Variants in ANKRD12 observed in about 807,000 individuals in gnomAD.
ANKRD12 encodes ankyrin repeat domain-containing protein 12.
Under a neutral mutation model 183.4 loss-of-function variants are expected in ANKRD12, and 85 were observed. The ratio of observed to expected loss-of-function variants is 0.46; its 90% CI spans 0.39 to 0.56. The LOEUF (loss-of-function observed/expected upper bound fraction) is 0.56. Ranked by LOEUF, ANKRD12 falls within the 20% of genes least tolerant of loss-of-function variation. The pLI is 0.00. For missense variants in ANKRD12, 2,405 were observed against 2,357.1 expected, an observed-to-expected ratio of 1.02 and a Z score of -0.42; for synonymous variants, 914 against 800.2, an observed-to-expected ratio of 1.14 and a Z score of -2.40.
Position 9,195,579 on chromosome 18 carries a change from A to G in ANKRD12, c.116A>G (p.Lys39Arg), listed in dbSNP as rs781696862. 3.1e-6 allele frequency: 5 copies of G among 1,609,964 alleles called. No individual in the cohort carries two copies. The East Asian group carries it at 1.1e-4, about 36-fold the overall frequency. The change falls in exon 3 of 13, where the codon AAA becomes AGA. Residue 39 changes from lysine (K) to arginine (R), a missense_variant. Lys to Arg is a conservative substitution (Grantham distance 26, BLOSUM62 2). Coordinates refer to ENST00000262126, the MANE Select transcript of ANKRD12 (RefSeq NM_015208.5). ...AAAGACAAGATTGCATCCTACAGCAAAACTCCAAAAATTGAACGAAGTGAT... is the reference window on the plus strand; with the variant it reads ...AAAGACAAGATTGCATCCTACAGCAGAACTCCAAAAATTGAACGAAGTGAT... ...KSKDKIASYS[K>R]TPKIERSDVS...
At position 9,258,250 on chromosome 18, in the gene ANKRD12, A is replaced by C; in HGVS notation, c.4983A>C (p.Lys1661Asn). ...GTGAAATGAATGCAGGGATGCCAAA[A>C]GGAAACCTAAATGAACAAGATCCAA... is the stretch of plus-strand genomic sequence containing the variant. ...DLCEMNAGMP[K>N]GNLNEQDPKH... is the part of the protein sequence containing the mutation. Residue 1661 changes from lysine (K) to asparagine (N), a missense_variant, in exon 9 of 13, where the codon AAA becomes AAC. Physicochemically the swap from Lys to Asn is moderately conservative, Grantham distance 94. Coordinates refer to ENST00000262126, the MANE Select transcript of ANKRD12 (RefSeq NM_015208.5). The C allele has an allele frequency of 6.2e-7, 1 of 1,613,830 alleles. No individual in the cohort carries two copies. Among genetic ancestry groups the C allele is most frequent in the Middle Eastern group, 1.6e-4 (1 of 6,062 alleles).
intron 9 of ANKRD12, among the ~76,000 whole-genome samples, chr18:9,260,932 T>C (rs896784852): frequency 1.3e-5 from 2 of 152,160 alleles, no homozygotes; most frequent in Non-Finnish European, 2.9e-5. Context: ...GAGCTGAACT[T>C]ACCCAATGAC....
chr18:9,165,057 C>T (rs762899674), intron 1 of ANKRD12, among the ~76,000 whole-genome samples: 1 of 152,112 alleles, frequency 6.6e-6, no homozygotes, highest in Non-Finnish European at 1.5e-5. Flanking sequence ...TCTTTAAGAA[C>T]TTGCTTTATG....
chr18:9,148,263 A>G (rs764208757), intron 1 of ANKRD12, among the ~76,000 whole-genome samples: 1 of 152,202 alleles, frequency 6.6e-6, no homozygotes, highest in African/African-American at 2.4e-5. Flanking sequence ...TCTCAATTGC[A>G]GATGAATATT....
At chr18:9,243,058 C>T (rs2037752861) in intron 8 of ANKRD12, among the ~76,000 whole-genome samples, 1 of 152,114 alleles carries the variant, frequency 6.6e-6, no homozygotes, top group Non-Finnish European at 1.5e-5. Context: ...TCTAAACTAC[C>T]TTGCTCAATC....
Position 9,238,556 on chromosome 18 carries a change from ACTC to A in ANKRD12, c.944-15651_944-15649del, listed in dbSNP as rs1354904180. 4.6e-5 allele frequency among the ~76,000 whole-genome samples: 7 copies of A among 151,660 alleles called. No homozygotes were observed. In the East Asian group the frequency reaches 5.8e-4, roughly 13 times the overall value. On this transcript the variant is annotated intron_variant, in intron 8 of 12. Coordinates refer to ENST00000262126, the MANE Select transcript of ANKRD12 (RefSeq NM_015208.5). ...AGTCATACACTCGAGAGTCATCTAAACTCCTCTTCTTCCTTTTCCTTCTTTCAA... is the reference window on the plus strand; with the variant it reads ...AGTCATACACTCGAGAGTCATCTAAACTCTTCTTCCTTTTCCTTCTTTCAA...
chr18:9,257,446 C>A lies in ANKRD12; in HGVS notation c.4179C>A (p.Ala1393=). The change falls in exon 9 of 13, where the codon GCC becomes GCA. Residue 1393 remains alanine (A), a synonymous_variant. Coordinates refer to ENST00000262126, the MANE Select transcript of ANKRD12 (RefSeq NM_015208.5). ...SADRNLIKNT[A]PVNTVMDSPV... ...ATAGAAATCTCATCAAGAATACTGC[C>A]CCAGTGAACACTGTAATGGACAGTC... 1 of 1,614,052 alleles carries A rather than the reference C, an allele frequency of 6.2e-7. No individual in the cohort carries two copies. Among genetic ancestry groups the A allele is most frequent in the Non-Finnish European group, 8.5e-7 (1 of 1,179,988 alleles).
intron 1 of ANKRD12, among the ~76,000 whole-genome samples, chr18:9,161,325 C>T (rs2031381498): frequency 6.6e-6 from 1 of 151,706 alleles, no homozygotes; most frequent in Admixed American, 6.6e-5. Flanking sequence ...ACTTTGATCC[C>T]TTTTTGTCCT....
intron 9 of ANKRD12, chr18:9,260,014 A>G (rs908237485): frequency 2.6e-5 from 4 of 152,220 alleles, no homozygotes; most frequent in Non-Finnish European, 5.9e-5. Flanking sequence ...TAAGAACTCC[A>G]GACTTTGTAC....
At chr18:9,174,549 G>A (rs2033072093) in intron 1 of ANKRD12, among the ~76,000 whole-genome samples, 1 of 152,232 alleles carries the variant, frequency 6.6e-6, no homozygotes, top group Non-Finnish European at 1.5e-5. Context: ...TAGGAGAAGT[G>A]TGGTTTCCTG....
chr18:9,197,331 A>G (rs1332127268), intron 3 of ANKRD12, among the ~76,000 whole-genome samples: 4 of 152,188 alleles, frequency 2.6e-5, no homozygotes, highest in Admixed American at 2.6e-4. Context: ...AGCTCTCTAT[A>G]AGACTGTTTC....
intron 1 of ANKRD12, among the ~76,000 whole-genome samples, chr18:9,176,529 A>G (rs912661653): frequency 6.6e-6 from 1 of 152,030 alleles, no homozygotes; most frequent in Non-Finnish European, 1.5e-5. Flanking sequence ...GAGCTCAAGC[A>G]GTCTGTCTGC....
At chr18:9,262,499 G>T (rs1029364733) in intron 9 of ANKRD12, among the ~76,000 whole-genome samples, 2 of 152,102 alleles carry the variant, frequency 1.3e-5, no homozygotes, top group African/African-American at 2.4e-5. Context: ...TCCCTGTGTT[G>T]CCCAGGCTGG....
chr18:9,149,721 T>G (rs1173610555), intron 1 of ANKRD12, among the ~76,000 whole-genome samples: 1 of 152,044 alleles, frequency 6.6e-6, no homozygotes, highest in Non-Finnish European at 1.5e-5. Context: ...TTTGTGGAAT[T>G]TTGAAAGTAA....
intron 3 of ANKRD12, among the ~76,000 whole-genome samples, chr18:9,196,223 C>CAT (rs199953345): frequency 2.7e-3 from 142 of 52,240 alleles, no homozygotes; most frequent in Non-Finnish European, 3.5e-3. Context: ...CACACACACA[C>CAT]TGAGGCTAAC....
chr18:9,145,201 C>T (rs2078452772), intron 1 of ANKRD12, among the ~76,000 whole-genome samples: 1 of 152,210 alleles, frequency 6.6e-6, no homozygotes, highest in South Asian at 2.1e-4. Context: ...TAGCTCACTA[C>T]AGCCTCAAAC....
chr18:9,266,319 T>A (rs931782078), intron 10 of ANKRD12, among the ~76,000 whole-genome samples: 7 of 152,262 alleles, frequency 4.6e-5, no homozygotes, highest in East Asian at 1.9e-4. Flanking sequence ...AATTGTCAGA[T>A]TCACCAAAGT....
intron 8 of ANKRD12, among the ~76,000 whole-genome samples, chr18:9,252,334 CTGGT>C (rs2038345230): frequency 1.3e-5 from 2 of 152,118 alleles, no homozygotes; most frequent in South Asian, 2.1e-4. Flanking sequence ...TGGCCAGCCT[CTGGT>C]TGAGCAACAC....
intron 3 of ANKRD12, chr18:9,200,441 A>G (rs186839435): frequency 1.9e-4 from 29 of 152,308 alleles, no homozygotes; most frequent in African/African-American, 6.7e-4. Context: ...TATCTAAAAG[A>G]TATTTCTTAC....
Sources: allele counts gnomAD v4.1 joint callset (sites outside exome capture counted in the v4.1 genomes callset), GRCh38; gene constraint gnomAD v4.1.1; transcripts MANE v1.5; gene names NCBI Gene and HGNC (gene_info 2026-07-23, HGNC 2026-07-21).